COQ3: variants seen among roughly 807,000 people sequenced by gnomAD.
The protein encoded by COQ3 is ubiquinone biosynthesis O-methyltransferase, mitochondrial.
A neutral mutation model predicts 33.1 loss-of-function variants in COQ3; 29 were observed. The ratio of observed to expected loss-of-function variants is 0.88; its 90% confidence interval spans 0.65 to 1.19. The LOEUF is 1.19. COQ3 is among the 50% of genes most tolerant of loss of function. The pLI is 0.00. For missense variants in COQ3, 437 were observed against 430.7 expected, an observed-to-expected ratio of 1.01 and a Z score of -0.13; for synonymous variants, 173 against 157.8, an observed-to-expected ratio of 1.10 and a Z score of -0.72.
At chr6:99,373,890 G>A (rs1351096857) in intron 5 of COQ3, among the ~76,000 whole-genome samples, 1 of 151,850 alleles carries the variant, frequency 6.6e-6, no homozygotes, top group Non-Finnish European at 1.5e-5. Context: ...TGCACCTGTG[G>A]TCCCAGCTAC....
intron 1 of COQ3, among the ~76,000 whole-genome samples, chr6:99,385,529 A>G (rs1476463830): frequency 6.6e-6 from 1 of 152,234 alleles, no homozygotes; most frequent in African/African-American, 2.4e-5. Context: ...ACACACTTCT[A>G]AACAATCCAT....
chr6:99,391,075 TTTTATTTATTTA>T (rs60755408), intron 1 of COQ3, among the ~76,000 whole-genome samples: 24,390 of 139,068 alleles, frequency 0.18, 2,315 homozygotes, highest in Non-Finnish European at 0.19. Flanking sequence ...CTTTTGCTCA[TTTTATTTATTTA>T]TTTATTTATT....
In COQ3 at chr6:99,376,163, GC is replaced by G. The variant is rs779878851; in HGVS notation, c.505del (p.Ala169LeufsTer30). 6.2e-7 allele frequency: 1 copy of G among 1,613,898 alleles called. No homozygotes were observed. The highest frequency in any genetic ancestry group is 8.5e-7 in the Non-Finnish European group (1 of 1,180,000). Reference protein sequence around the residue: ...LLTEPLGRLGASVIGIDPVDE... With the variant: ...LLTEPLGRLGXSVIGIDPVDE... ...CACAGGGTCGATTCCAATAACTGAA[GC>G]CCCAAGCCGCCCTAGAGGCTAATGG... On this transcript the variant is annotated frameshift_variant, in exon 5 of 7. Coordinates refer to ENST00000254759, the MANE Select transcript of COQ3 (RefSeq NM_017421.4). LOFTEE classifies it high-confidence loss of function.
Position 99,371,424 on chromosome 6 carries a change from T to G in COQ3, c.889+4A>C. 1 of 1,575,638 alleles carries G rather than the reference T, an allele frequency of 6.3e-7. No individual in the cohort carries two copies. Among genetic ancestry groups the G allele is most frequent in the Non-Finnish European group, 8.6e-7 (1 of 1,167,616 alleles). On this transcript the variant is annotated splice_donor_region_variant and intron_variant, in intron 6 of 6. Coordinates refer to ENST00000254759, the MANE Select transcript of COQ3 (RefSeq NM_017421.4). ...AAATTGGAAAAAATTCTCTTAATAC[T>G]TACTTGATTCCAGAATGCTCTCTAG...
chr6:99,384,262 A>C (rs1774554138), intron 1 of COQ3, among the ~76,000 whole-genome samples: 1 of 152,136 alleles, frequency 6.6e-6, no homozygotes, highest in Non-Finnish European at 1.5e-5. Context: ...TTTGTTTTTT[A>C]CTTAATTTAA....
chr6:99,377,483 T>C lies in COQ3; in HGVS notation c.389A>G (p.Asp130Gly), dbSNP rs757676932. The change falls in exon 4 of 7, where the codon GAC becomes GGC. Residue 130 changes from aspartate to glycine, a missense_variant and splice_region_variant. Asp to Gly is a moderately conservative substitution (Grantham distance 94, BLOSUM62 -1). Transcript: ENST00000254759. ...MNDLRVPFIRDNLLKTIPNHQ... is the reference protein window; with the variant it reads ...MNDLRVPFIRGNLLKTIPNHQ... ...ATTAGGAATTGTTTTCAGAAGATTG[T>C]CCCTTTTTTAAAAAATTCAAAACAT... 2.5e-6 allele frequency: 4 copies of C among 1,601,750 alleles called. No individual in the cohort carries two copies. The highest frequency in any genetic ancestry group is 8.5e-7 in the Non-Finnish European group (1 of 1,174,072).
intron 1 of COQ3, among the ~76,000 whole-genome samples, chr6:99,386,293 G>C (rs957297103): frequency 3.3e-5 from 5 of 152,016 alleles, no homozygotes; most frequent in African/African-American, 1.2e-4. Context: ...AGCCAGGCAT[G>C]GTGGCACATG....
chr6:99,394,002 C>A (rs1378217534), intron 1 of COQ3, 72 bp downstream of exon 1: 3 of 1,324,276 alleles, frequency 2.3e-6, no homozygotes, highest in South Asian at 1.2e-5. Flanking sequence ...ACCGCCCCAC[C>A]CCCGGCGCAT....
intron 5 of COQ3, 127 bp from the exon 6 acceptor site, chr6:99,371,714 C>A: frequency 6.1e-6 from 4 of 651,408 alleles, no homozygotes; most frequent in Non-Finnish European, 1.0e-5. Context: ...TATATATGTA[C>A]GCATAAAATA....
At chr6:99,377,281 C>T in intron 4 of COQ3, 105 bp downstream of exon 4, 2 of 972,904 alleles carry the variant, frequency 2.1e-6, no homozygotes, top group South Asian at 2.8e-5. Context: ...ACATGCATTT[C>T]TTTTTTTAAT....
chr6:99,370,954 TA>T lies in COQ3; in HGVS notation c.889+473del, dbSNP rs535047916. Among the ~76,000 whole-genome samples the T allele has an allele frequency of 3.4e-3, 516 of 151,960 alleles. 2 individuals carry two copies. Among genetic ancestry groups the T allele is most frequent in the African/African-American group, 0.012 (491 of 41,414 alleles). On this transcript the variant is annotated intron_variant, in intron 6 of 6. Coordinates refer to ENST00000254759, the MANE Select transcript of COQ3 (RefSeq NM_017421.4). ...TTGCCTTCAAGTAGCTTACAGGCCA[TA>T]AAAGGATGAAAAAAACCACCAAAAT...
chr6:99,380,401 G>T, intron 2 of COQ3, 60 bp from the exon 3 acceptor site: 7 of 1,501,398 alleles, frequency 4.7e-6, no homozygotes, highest in Non-Finnish European at 5.5e-6. Context: ...TGTTTAACAT[G>T]GGATATTATG....
intron 1 of COQ3, among the ~76,000 whole-genome samples, chr6:99,386,553 G>C (rs1774660045): frequency 6.6e-6 from 1 of 152,148 alleles, no homozygotes; most frequent in Non-Finnish European, 1.5e-5. Flanking sequence ...AAATTGATAA[G>C]CCTCTAGCAA....
At chr6:99,373,487 A>G (rs1179770799) in intron 5 of COQ3, among the ~76,000 whole-genome samples, 1 of 151,984 alleles carries the variant, frequency 6.6e-6, no homozygotes, top group African/African-American at 2.4e-5. Flanking sequence ...ACATACTCGT[A>G]CTTTAAGGAA....
intron 3 of COQ3, among the ~76,000 whole-genome samples, chr6:99,378,168 A>T: frequency 7.8e-6 from 1 of 128,744 alleles, no homozygotes; most frequent in South Asian, 2.3e-4. Flanking sequence ...TTAGAGAGAG[A>T]GAGAGAGAGA....
At chr6:99,373,596 A>G (rs1012636264) in intron 5 of COQ3, among the ~76,000 whole-genome samples, 6 of 152,226 alleles carry the variant, frequency 3.9e-5, no homozygotes, top group African/African-American at 1.4e-4. Context: ...TATGTGTCAA[A>G]GAACCTCCCT....
intron 1 of COQ3, among the ~76,000 whole-genome samples, chr6:99,392,412 T>C (rs575947793): frequency 6.6e-5 from 10 of 152,308 alleles, no homozygotes; most frequent in Admixed American, 6.5e-4. Context: ...TGTTGCTTCT[T>C]CAGTGATTTC....
Position 99,377,480 on chromosome 6 carries a change from T to C in COQ3, c.392A>G (p.Asn131Ser), listed in dbSNP as rs754375927. Residue 131 changes from asparagine to serine, a missense_variant, in exon 4 of 7, where the codon AAT becomes AGT. By Grantham distance (46) the Asn-to-Ser change is conservative. Transcript: ENST00000254759. Reference sequence around the variant, plus strand: ...GTGATTAGGAATTGTTTTCAGAAGATTGTCCCTTTTTTAAAAAATTCAAAA... The same window carrying C: ...GTGATTAGGAATTGTTTTCAGAAGACTGTCCCTTTTTTAAAAAATTCAAAA... ...NDLRVPFIRD[N>S]LLKTIPNHQP... 21 of 1,602,266 alleles carry C rather than the reference T, an allele frequency of 1.3e-5. No individual in the cohort carries two copies. In the East Asian group the frequency reaches 2.9e-4, roughly 22 times the overall value.
intron 2 of COQ3, chr6:99,383,147 C>G (rs748658838): frequency 6.6e-6 from 1 of 151,876 alleles, no homozygotes; most frequent in Middle Eastern, 3.4e-3. Flanking sequence ...ACAACAACAA[C>G]AAAAAACAGA....
Sources: gnomAD v4.1 joint callset for allele counts (sites outside exome capture counted in the v4.1 genomes callset) on GRCh38, gnomAD v4.1.1 for gene constraint, MANE v1.5 for transcripts, NCBI Gene and HGNC (gene_info 2026-07-23, HGNC 2026-07-21) for gene names.